The following YWHAG variants were observed in gnomAD, a reference collection of about 807,000 sequenced individuals.
The protein encoded by YWHAG is 14-3-3 protein gamma.
YWHAG carries 1 observed loss-of-function variant against 23.3 expected under a neutral mutation model. The observed-to-expected ratio is 0.04, with a 90% CI of 0.02 to 0.20. The LOEUF is 0.20. YWHAG is among the 10% of genes least tolerant of loss of function. YWHAG has a pLI of 1.00. For missense variants in YWHAG, 151 were observed against 338.6 expected, an observed-to-expected ratio of 0.45 and a Z score of 4.35; for synonymous variants, 160 against 144.0, an observed-to-expected ratio of 1.11 and a Z score of -0.80.
At chr7:76,347,171 G>A (rs73357737) in intron 1 of YWHAG, among the ~76,000 whole-genome samples, 4,140 of 152,196 alleles carry the variant, frequency 0.027, 184 homozygotes, top group African/African-American at 0.095. Context: ...TTCTTTTGTG[G>A]AATCAAGATC....
At chr7:76,330,269 G>C (rs1277355439) in intron 1 of YWHAG, 36 bp from the exon 2 acceptor site, 4 of 1,589,250 alleles carry the variant, frequency 2.5e-6, no homozygotes, top group Non-Finnish European at 3.4e-6. Flanking sequence ...TTATGGTACA[G>C]ATGGTGTCCA....
intron 1 of YWHAG, among the ~76,000 whole-genome samples, chr7:76,358,404 G>A (rs1803994668): frequency 1.3e-5 from 2 of 152,174 alleles, no homozygotes; most frequent in South Asian, 4.1e-4. Flanking sequence ...ACGCCTCCCC[G>A]CTCGGGTCCC....
At chr7:76,338,094 C>T (rs912615321) in intron 1 of YWHAG, among the ~76,000 whole-genome samples, 11 of 152,000 alleles carry the variant, frequency 7.2e-5, no homozygotes, top group Admixed American at 6.6e-4. Flanking sequence ...TGTATCACAA[C>T]GTGAAGACAC....
chr7:76,327,154 A>G lies in YWHAG; in HGVS notation c.*2423T>C, dbSNP rs1246825172. 6.6e-6 allele frequency: 1 copy of G among 152,308 alleles called. No individual in the cohort carries two copies. Among genetic ancestry groups the G allele is most frequent in the African/African-American group, 2.4e-5 (1 of 41,444 alleles). The allele number at this position is 152,308 out of a possible 1,614,324, so 9.4% of individuals were successfully genotyped here. ...ACTGCATGTCACTATAGCAACATCC[A>G]AAACAGATCAATTTGTTACAATCAC... On this transcript the variant is annotated 3_prime_UTR_variant, in exon 2 of 2. Coordinates refer to ENST00000307630, the MANE Select transcript of YWHAG (RefSeq NM_012479.4).
At chr7:76,351,135 T>C (rs1445432694) in intron 1 of YWHAG, among the ~76,000 whole-genome samples, 1 of 151,904 alleles carries the variant, frequency 6.6e-6, no homozygotes, top group Non-Finnish European at 1.5e-5. Context: ...TGATTCTTCT[T>C]GTCATTTCCC....
Position 76,327,668 on chromosome 7 carries a change from G to GCCCCCCCCCCCCCCCCCC in YWHAG, c.*1908_*1909insGGGGGGGGGGGGGGGGGG, listed in dbSNP as rs71085403. The GCCCCCCCCCCCCCCCCCC allele has an allele frequency of 1.1e-3, 52 of 47,110 alleles. No homozygotes were observed. The highest frequency in any genetic ancestry group is 1.7e-3 in the Admixed American group (7 of 4,196). The allele number at this position is 47,110 out of a possible 1,614,324, so 2.9% of individuals were successfully genotyped here. A position where few individuals can be genotyped will look rare whatever the true frequency, so the allele number is the denominator to read the frequency against. On this transcript the variant is annotated 3_prime_UTR_variant, in exon 2 of 2. Transcript: ENST00000307630. ...AATTAGGGAAAGCCCCACCTACCCT[G>GCCCCCCCCCCCCCCCCCC]CCCCCCCCCCCCTCCCCCCCCAAAT...
chr7:76,328,497 GA>G lies in YWHAG; in HGVS notation c.*1079del, dbSNP rs1258709411. 6.6e-6 allele frequency: 1 copy of G among 152,162 alleles called. No individual in the cohort carries two copies. The highest frequency in any genetic ancestry group is 1.5e-5 in the Non-Finnish European group (1 of 68,046). The allele number at this position is 152,162 out of a possible 1,614,324, so 9.4% of individuals were successfully genotyped here. A position where few individuals can be genotyped will look rare whatever the true frequency, so the allele number is the denominator to read the frequency against. On this transcript the variant is annotated 3_prime_UTR_variant, in exon 2 of 2. Coordinates refer to ENST00000307630, the MANE Select transcript of YWHAG (RefSeq NM_012479.4). ...TTCTACCAGTAGGCTTCTAGCACCT[GA>G]ATTTTCACACACTGCACCACAGACC...
At chr7:76,345,178 C>G (rs775338463) in intron 1 of YWHAG, among the ~76,000 whole-genome samples, 1 of 151,130 alleles carries the variant, frequency 6.6e-6, no homozygotes, top group Non-Finnish European at 1.5e-5. Context: ...TTAAGCCTAT[C>G]CTAAGGCTTT....
chr7:76,343,915 A>C (rs1803736662), intron 1 of YWHAG, among the ~76,000 whole-genome samples: 2 of 152,232 alleles, frequency 1.3e-5, no homozygotes, highest in South Asian at 4.1e-4. Context: ...TGAGACAAGC[A>C]AACACTAATA....
rs1219697267 is a variant in YWHAG, at chr7:76,358,960, T to G, written c.-152A>C. 1 of 635,950 alleles carries G rather than the reference T, an allele frequency of 1.6e-6. No individual in the cohort carries two copies. Among genetic ancestry groups the G allele is most frequent in the African/African-American group, 1.9e-5 (1 of 51,930 alleles). The allele number at this position is 635,950 out of a possible 1,614,324, so 39.4% of individuals were successfully genotyped here. A position where few individuals can be genotyped will look rare whatever the true frequency, so the allele number is the denominator to read the frequency against. On this transcript the variant is annotated 5_prime_UTR_variant, in exon 1 of 2. Transcript: ENST00000307630. ...GCTGCGCGGAGGAGGCGGCTGGAGCTGCGACCGCGGGACCGGGCGCGAGGC... is the reference window on the plus strand; with the variant it reads ...GCTGCGCGGAGGAGGCGGCTGGAGCGGCGACCGCGGGACCGGGCGCGAGGC...
rs1051511890 is a variant in YWHAG, at chr7:76,358,767, G to A, written c.42C>T (p.Ala14=). ...TGTCGTCGTAGCGCTCCGCCTGCTC[G>A]GCCAGCCGGGCTTTCTGCACCAGTT... ...REQLVQKARL[A]EQAERYDDMA... Residue 14 remains alanine, a synonymous_variant, in exon 1 of 2, where the codon GCC becomes GCT. Transcript: ENST00000307630. The A allele has an allele frequency of 1.9e-6, 3 of 1,596,276 alleles. No homozygotes were observed. The highest frequency in any genetic ancestry group is 1.7e-5 in the Admixed American group (1 of 57,734).
At chr7:76,350,733 A>C (rs1803860637) in intron 1 of YWHAG, among the ~76,000 whole-genome samples, 1 of 152,184 alleles carries the variant, frequency 6.6e-6, no homozygotes, top group Non-Finnish European at 1.5e-5. Flanking sequence ...AATCCCAGCT[A>C]CTTGGGAAGC....
chr7:76,350,938 T>C (rs143356626), intron 1 of YWHAG, among the ~76,000 whole-genome samples: 6 of 152,270 alleles, frequency 3.9e-5, no homozygotes, highest in African/African-American at 1.4e-4. Context: ...CAATGTAAAT[T>C]TGGAAACAGC....
intron 1 of YWHAG, among the ~76,000 whole-genome samples, chr7:76,331,557 T>A (rs1803542564): frequency 6.6e-6 from 1 of 152,120 alleles, no homozygotes; most frequent in Admixed American, 6.6e-5. Context: ...CGATTTTTTT[T>A]TTTTTTTTAG....
intron 1 of YWHAG, among the ~76,000 whole-genome samples, chr7:76,358,048 C>A (rs1803986616): frequency 6.6e-6 from 1 of 152,202 alleles, no homozygotes; most frequent in African/African-American, 2.4e-5. Flanking sequence ...GCGAGACAAA[C>A]GTTCTCCCTT....
At chr7:76,332,717 G>A (rs1803562985) in intron 1 of YWHAG, among the ~76,000 whole-genome samples, 1 of 148,686 alleles carries the variant, frequency 6.7e-6, no homozygotes, top group Non-Finnish European at 1.5e-5. Flanking sequence ...TGGAGACAGA[G>A]TTTCAAAAAG....
chr7:76,346,649 C>A (rs1226110004), intron 1 of YWHAG, among the ~76,000 whole-genome samples: 4 of 152,166 alleles, frequency 2.6e-5, no homozygotes. Flanking sequence ...GCCTCTCCAA[C>A]CTGCCCTTGC....
rs1803491472 is a variant in YWHAG, at chr7:76,328,651, C to G, written c.*926G>C. On this transcript the variant is annotated 3_prime_UTR_variant, in exon 2 of 2. Coordinates refer to ENST00000307630, the MANE Select transcript of YWHAG (RefSeq NM_012479.4). ...GTGATCCCTGAGGAGGGAGCTGCAG[C>G]AGCTTCAGAAGCGGGATGTTCTCTG... 6.6e-6 allele frequency: 1 copy of G among 152,228 alleles called. No homozygotes were observed. The highest frequency in any genetic ancestry group is 2.4e-5 in the African/African-American group (1 of 41,452). The allele number at this position is 152,228 out of a possible 1,614,324, so 9.4% of individuals were successfully genotyped here.
chr7:76,358,626 C>T, intron 1 of YWHAG, 96 bp downstream of exon 1: 1 of 1,262,672 alleles, frequency 7.9e-7, no homozygotes, highest in Non-Finnish European at 1.1e-6. Flanking sequence ...GGTCAACCCG[C>T]CATCGCGACA....
Sources: allele counts gnomAD v4.1 joint callset (sites outside exome capture counted in the v4.1 genomes callset), GRCh38; gene constraint gnomAD v4.1.1; transcripts MANE v1.5; gene names NCBI Gene and HGNC (gene_info 2026-07-23, HGNC 2026-07-21).